Variants in PUDP observed in about 807,000 individuals in gnomAD.
The protein encoded by PUDP is pseudouridine-5'-phosphatase.
In PUDP, 8 loss-of-function variants were observed where a neutral mutation model predicts 9.4. That is an observed-to-expected ratio of 0.85 (90% CI 0.50 to 1.53). The LOEUF (loss-of-function observed/expected upper bound fraction) is 1.53, where lower values mean the gene tolerates loss of function less well. Ranked by LOEUF, PUDP falls within the 40% of genes most tolerant of loss-of-function variation. The probability of loss-of-function intolerance (pLI) is 0.00; values close to 1 mark genes in which losing one functional copy is unlikely to be tolerated. For missense variants in PUDP, 188 were observed against 189.7 expected, an observed-to-expected ratio of 0.99 and a Z score of 0.05; for synonymous variants, 99 against 80.7, an observed-to-expected ratio of 1.23 and a Z score of -1.22.
chrX:7,035,384 T>C (rs1334194119), intron 1 of PUDP, among the ~76,000 whole-genome samples: 1 of 112,101 alleles, frequency 8.9e-6, no homozygotes, highest in East Asian at 2.8e-4. Context: ...CATGCAGTTT[T>C]GCCTGATATA....
chrX:6,924,358 G>A (rs1202681536), intron 3 of PUDP, among the ~76,000 whole-genome samples: 1 of 111,924 alleles, frequency 8.9e-6, no homozygotes, highest in East Asian at 2.8e-4. Context: ...GAGGGTAGTT[G>A]CTAATGAGAA....
chrX:6,849,344 G>A (rs1469093946), intron 3 of PUDP, among the ~76,000 whole-genome samples: 1 of 112,081 alleles, frequency 8.9e-6, no homozygotes, highest in Non-Finnish European at 1.9e-5. Context: ...ATCATTTAAT[G>A]AATATGAGTT....
chrX:7,089,153 T>G (rs1931352191), intron 2 of PUDP, among the ~76,000 whole-genome samples: 1 of 111,401 alleles, frequency 9.0e-6, no homozygotes, highest in African/African-American at 3.3e-5. Flanking sequence ...CTCAGTAAGC[T>G]ACACAGCACC....
chrX:7,047,099 T>C (rs758432091), downstream of PUDP, among the ~76,000 whole-genome samples: 48 of 112,124 alleles, frequency 4.3e-4, no homozygotes, highest in African/African-American at 1.4e-3. Context: ...ACAAACAACT[T>C]AGGTCAAAAG....
intron 3 of PUDP, among the ~76,000 whole-genome samples, chrX:6,854,788 G>A (rs1926880907): frequency 9.1e-6 from 1 of 109,532 alleles, no homozygotes; most frequent in Non-Finnish European, 1.9e-5. Context: ...AGGCTGAAGA[G>A]GAGGAGGAAG....
chrX:7,054,311 A>G (rs1330117577), intron 3 of PUDP, among the ~76,000 whole-genome samples: 1 of 111,227 alleles, frequency 9.0e-6, no homozygotes, highest in East Asian at 2.8e-4. Flanking sequence ...TCTGGAAGCT[A>G]AGGCAGGAGA....
chrX:6,917,148 T>A (rs754674113), intron 3 of PUDP, among the ~76,000 whole-genome samples: 34 of 111,643 alleles, frequency 3.0e-4, no homozygotes, highest in Non-Finnish European at 4.3e-4. Flanking sequence ...GAGGATGGCT[T>A]AAGGCCAGGA....
chrX:7,120,287 G>A (rs1932305894), intron 1 of PUDP, among the ~76,000 whole-genome samples: 1 of 111,186 alleles, frequency 9.0e-6, no homozygotes, highest in Non-Finnish European at 1.9e-5. Context: ...TATCCAGGTG[G>A]ACTCAATATA....
chrX:7,006,335 A>G (rs1265010614), intron 1 of PUDP, among the ~76,000 whole-genome samples: 2 of 112,015 alleles, frequency 1.8e-5, no homozygotes, highest in Non-Finnish European at 3.8e-5. Flanking sequence ...AGTCTCATTA[A>G]CACATTATTT....
chrX:6,753,026 T>C (rs1171690662), intron 3 of PUDP, among the ~76,000 whole-genome samples: 2 of 111,130 alleles, frequency 1.8e-5, no homozygotes, highest in Non-Finnish European at 3.8e-5. Flanking sequence ...GCCTAGACAT[T>C]TATTACCTCT....
At chrX:6,879,233 T>G (rs1384457000) in intron 3 of PUDP, among the ~76,000 whole-genome samples, 1 of 112,175 alleles carries the variant, frequency 8.9e-6, no homozygotes, top group Non-Finnish European at 1.9e-5. Context: ...AGGAGGATAA[T>G]GCTCAAAAAG....
At chrX:6,735,137 T>A (rs1445494561) in intron 3 of PUDP, among the ~76,000 whole-genome samples, 1 of 112,402 alleles carries the variant, frequency 8.9e-6, no homozygotes, top group Non-Finnish European at 1.9e-5. Flanking sequence ...GTGCATATCA[T>A]GAACTTTTCC....
intron 3 of PUDP, among the ~76,000 whole-genome samples, chrX:6,870,688 C>T (rs1278477288): frequency 8.9e-6 from 1 of 112,420 alleles, no homozygotes; most frequent in Non-Finnish European, 1.9e-5. Flanking sequence ...GTGTATTTTA[C>T]AACAATTAAA....
chrX:6,897,294 C>T (rs1927606442), intron 3 of PUDP, among the ~76,000 whole-genome samples: 1 of 112,023 alleles, frequency 8.9e-6, no homozygotes, highest in African/African-American at 3.2e-5. Flanking sequence ...ATATATGATT[C>T]TTAAAATTAT....
At position 7,147,974 on chromosome X, in the gene PUDP, C is replaced by G; in HGVS notation, c.61+79G>C. 3 of 780,078 alleles carry G rather than the reference C, an allele frequency of 3.8e-6. No individual in the cohort carries two copies. The Middle Eastern group carries it at 8.9e-4, about 230-fold the overall frequency. The allele number at this position is 780,078 out of a possible 1,213,427, so 64.3% of individuals were successfully genotyped here. A position where few individuals can be genotyped will look rare whatever the true frequency, so the allele number is the denominator to read the frequency against. ...CACCGCCCCGCCGCGGCCCCCAGGC[C>G]GTGACGTACCCCGCGCCGACCGTCC... On this transcript the variant is annotated intron_variant, in intron 1 of 3. Coordinates refer to ENST00000381077, the MANE Select transcript of PUDP (RefSeq NM_012080.5).
chrX:6,766,157 G>T (rs185832702), intron 3 of PUDP, among the ~76,000 whole-genome samples: 15 of 111,874 alleles, frequency 1.3e-4, no homozygotes, highest in African/African-American at 4.5e-4. Context: ...CCTTAGGAAT[G>T]AAAGGGAAAT....
intron 3 of PUDP, among the ~76,000 whole-genome samples, chrX:6,877,213 C>T (rs976815894): frequency 9.9e-5 from 11 of 110,795 alleles, no homozygotes; most frequent in Non-Finnish European, 2.1e-4. Flanking sequence ...TTGGCCTCAG[C>T]CTCCCCAAGC....
rs1406925156 is a variant in PUDP at position 6,823,916 on chromosome X, A to G, written c.*248-117450T>C. On this transcript the variant is annotated intron_variant and NMD_transcript_variant, in intron 3 of 3. Transcript: ENST00000655425. ...TTTAGCATGCTAATGCATTATAATT[A>G]GCATATAATCAGCCATGAGGAGGAC... 3.6e-5 allele frequency among the ~76,000 whole-genome samples: 4 copies of G among 112,526 alleles called. No individual in the cohort carries two copies. In the Admixed American group the frequency reaches 3.7e-4, roughly 11 times the overall value.
At chrX:7,063,290 G>A (rs1178507736) in intron 3 of PUDP, among the ~76,000 whole-genome samples, 1 of 111,973 alleles carries the variant, frequency 8.9e-6, no homozygotes, top group Non-Finnish European at 1.9e-5. Flanking sequence ...AAAATTAATT[G>A]TGTAGTGATT....
Sources: allele counts gnomAD v4.1 joint callset (sites outside exome capture counted in the v4.1 genomes callset), GRCh38; gene constraint gnomAD v4.1.1; transcripts MANE v1.5; gene names NCBI Gene and HGNC (gene_info 2026-07-23, HGNC 2026-07-21).